Variants in TCF7L2 observed in about 807,000 individuals in gnomAD.
TCF7L2 encodes the protein transcription factor 7-like 2.
A neutral mutation model predicts 77.9 loss-of-function variants in TCF7L2; 23 were observed. That is an observed-to-expected ratio of 0.30 (90% confidence interval 0.21 to 0.42). TCF7L2 has a LOEUF of 0.42. TCF7L2 is among the 10% of genes least tolerant of loss of function. The probability of loss-of-function intolerance (pLI) is 1.00; values close to 1 mark genes in which losing one functional copy is unlikely to be tolerated. For missense variants in TCF7L2, 654 were observed against 793.1 expected (o/e 0.82, Z 2.11); for synonymous variants, 413 against 340.2 (o/e 1.21, Z -2.36).
rs1360783019 is a variant in TCF7L2, at chr10:112,951,703, TC to T, written c.381+101del. 1.5e-4 allele frequency: 67 copies of T among 445,364 alleles called. No individual in the cohort carries two copies. The African/African-American group carries it at 3.7e-3, about 25-fold the overall frequency. 27.6% of individuals were successfully genotyped at this position (445,364 alleles called of 1,614,324 possible). A position where few individuals can be genotyped will look rare whatever the true frequency, so the allele number is the denominator to read the frequency against. On this transcript the variant is annotated intron_variant, in intron 3 of 13. Transcript: ENST00000627217. ...GCCCCTGCCCTGCCCCCTCCCCGCC[TC>T]CCCCTCCCCGCCTCCTCCCCTCCCT...
intron 5 of TCF7L2, among the ~76,000 whole-genome samples, chr10:113,124,444 C>G (rs945720759): frequency 8.5e-5 from 13 of 152,068 alleles, no homozygotes; most frequent in Admixed American, 6.6e-5. Context: ...TCATTTTATC[C>G]CTTTTACCAC....
intron 4 of TCF7L2, among the ~76,000 whole-genome samples, chr10:113,014,614 G>A (rs571397469): frequency 1.5e-4 from 23 of 151,728 alleles, no homozygotes; most frequent in Admixed American, 3.3e-4. Context: ...GCGAAACCCC[G>A]TCTCTACTAA....
intron 5 of TCF7L2, among the ~76,000 whole-genome samples, chr10:113,113,080 G>A (rs1252347240): frequency 6.6e-6 from 1 of 152,082 alleles, no homozygotes; most frequent in African/African-American, 2.4e-5. Flanking sequence ...TGATGTAGTA[G>A]CAGTAGTTAA....
Position 113,084,193 on chromosome 10 carries a change from C to T in TCF7L2, c.552+44067C>T, listed in dbSNP as rs567011542. Among the ~76,000 whole-genome samples, 3 of 152,318 alleles carry T rather than the reference C, an allele frequency of 2.0e-5. No homozygotes were observed. The South Asian group carries it at 6.2e-4, about 32-fold the overall frequency. On this transcript the variant is annotated intron_variant, in intron 5 of 13. Coordinates refer to ENST00000627217, the MANE Select transcript of TCF7L2 (RefSeq NM_001146274.2). ...AGAGATTTGTAATAAGGAACTGGCT[C>T]ACCCAGTCATGGAATTCCATAATCT...
At chr10:112,969,116 C>T (rs1262563797) in intron 4 of TCF7L2, among the ~76,000 whole-genome samples, 1 of 152,102 alleles carries the variant, frequency 6.6e-6, no homozygotes, top group East Asian at 1.9e-4. Flanking sequence ...TACCTTGTTT[C>T]CCCCTTTTTC....
At chr10:113,098,387 G>A (rs977718061) in intron 5 of TCF7L2, among the ~76,000 whole-genome samples, 2 of 152,072 alleles carry the variant, frequency 1.3e-5, no homozygotes, top group Admixed American at 6.6e-5. Context: ...AGGGTCAAGT[G>A]TGAGACGTGG....
At chr10:113,132,316 C>T (rs559222764) in intron 5 of TCF7L2, among the ~76,000 whole-genome samples, 7 of 152,158 alleles carry the variant, frequency 4.6e-5, no homozygotes, top group Non-Finnish European at 8.8e-5. Flanking sequence ...GGCTGAGATT[C>T]GAAAGTTAGG....
intron 3 of TCF7L2, among the ~76,000 whole-genome samples, chr10:112,955,934 T>C (rs1469915613): frequency 1.3e-5 from 2 of 151,798 alleles, no homozygotes; most frequent in Admixed American, 6.6e-5. Context: ...AGGTTTCGAA[T>C]GCCTCCTTAC....
chr10:113,158,609 TACAA>T (rs908521194), intron 12 of TCF7L2, 54 bp from the exon 13 acceptor site: 38 of 1,587,702 alleles, frequency 2.4e-5, no homozygotes, highest in African/African-American at 1.1e-4. Flanking sequence ...GCCAGGCTTT[TACAA>T]ACAAACAAAA....
At chr10:113,135,040 G>A (rs1190901334) in intron 5 of TCF7L2, among the ~76,000 whole-genome samples, 6 of 152,232 alleles carry the variant, frequency 3.9e-5, no homozygotes, top group African/African-American at 1.4e-4. Context: ...TTGCGGAGGT[G>A]AATGGCAAGC....
intron 4 of TCF7L2, among the ~76,000 whole-genome samples, chr10:112,967,790 C>G (rs569941483): frequency 1.9e-3 from 287 of 152,214 alleles, no homozygotes; most frequent in Middle Eastern, 3.4e-3. Context: ...CATGTGCCAC[C>G]ACGCCCGGCT....
At chr10:112,989,543 C>T (rs2042153951) in intron 4 of TCF7L2, among the ~76,000 whole-genome samples, 1 of 152,090 alleles carries the variant, frequency 6.6e-6, no homozygotes, top group Admixed American at 6.6e-5. Flanking sequence ...GTTTCACTGA[C>T]ATGCTCATGA....
At position 113,028,811 on chromosome 10, in the gene TCF7L2, G is replaced by C. The variant is rs114123752; in HGVS notation, c.451-11214G>C. Among the ~76,000 whole-genome samples, 418 of 152,334 alleles carry C rather than the reference G, an allele frequency of 2.7e-3. 1 individual carries two copies. Among genetic ancestry groups the C allele is most frequent in the African/African-American group, 9.5e-3 (395 of 41,572 alleles). The stretch of plus-strand genomic sequence containing the variant: ...GAAAGAAAGGGATTTTTTAGAAGTT[G>C]TGATTTTAATATCTGCTGCAATCTG... On this transcript the variant is annotated intron_variant, in intron 4 of 13. Coordinates refer to ENST00000627217, the MANE Select transcript of TCF7L2 (RefSeq NM_001146274.2).
intron 8 of TCF7L2, among the ~76,000 whole-genome samples, chr10:113,150,161 A>T (rs290485): frequency 0.18 from 27,170 of 152,142 alleles, 3,124 homozygotes; most frequent in East Asian, 0.62. Flanking sequence ...CACAAACTGT[A>T]TCTTTCATTT....
intron 4 of TCF7L2, among the ~76,000 whole-genome samples, chr10:113,028,213 G>A (rs1175181333): frequency 6.6e-6 from 1 of 152,140 alleles, no homozygotes; most frequent in African/African-American, 2.4e-5. Context: ...TCTCTAGGAG[G>A]GATTTGGAAA....
At chr10:113,160,115 G>C in intron 12 of TCF7L2, 123 bp downstream of exon 14, 2 of 801,840 alleles carry the variant, frequency 2.5e-6, no homozygotes, top group Non-Finnish European at 4.0e-6. Flanking sequence ...AGGGGAGTGG[G>C]ACACTGCCAA....
In TCF7L2 at chr10:112,971,221, G is replaced by A. The variant is rs1026553414; in HGVS notation, c.450+6597G>A. ...ATTAATTTTTAATATTTAAATTCTA[G>A]TGATACTGACTTATAAACACCCCGT... is the stretch of plus-strand genomic sequence containing the variant. On this transcript the variant is annotated intron_variant, in intron 4 of 13. Coordinates refer to ENST00000627217, the MANE Select transcript of TCF7L2 (RefSeq NM_001146274.2). Among the ~76,000 whole-genome samples the A allele has an allele frequency of 5.3e-5, 8 of 152,250 alleles. No individual in the cohort carries two copies. The South Asian group carries it at 1.7e-3, about 32-fold the overall frequency.
intron 5 of TCF7L2, among the ~76,000 whole-genome samples, chr10:113,068,103 A>G (rs1442233900): frequency 6.6e-6 from 1 of 152,140 alleles, no homozygotes; most frequent in African/African-American, 2.4e-5. Context: ...TAAAGTATGA[A>G]GTGCTTATTA....
Position 113,133,689 on chromosome 10 carries a change from G to T in TCF7L2, c.553-7495G>T, listed in dbSNP as rs569477980. On this transcript the variant is annotated intron_variant, in intron 5 of 13. Transcript: ENST00000627217. ...CAGCAAGAAGAATTTTAATGCCTGT[G>T]TGAATCCATGAGAAACTATGAGTCG... is the stretch of plus-strand genomic sequence containing the variant. Among the ~76,000 whole-genome samples the T allele has an allele frequency of 1.7e-3, 253 of 152,348 alleles. 2 individuals are homozygous for T. Among genetic ancestry groups the T allele is most frequent in the Middle Eastern group, 3.4e-3 (1 of 294 alleles).
Sources: gnomAD v4.1 joint callset for allele counts (sites outside exome capture counted in the v4.1 genomes callset) on GRCh38, gnomAD v4.1.1 for gene constraint, MANE v1.5 for transcripts, NCBI Gene and HGNC (gene_info 2026-07-23, HGNC 2026-07-21) for gene names.